TUT7: variants seen among roughly 807,000 people sequenced by gnomAD.
The protein encoded by TUT7 is terminal uridylyltransferase 7.
Under a neutral mutation model 165.9 loss-of-function variants are expected in TUT7, and 33 were observed. The ratio of observed to expected loss-of-function variants is 0.20; its 90% confidence interval spans 0.15 to 0.27. The LOEUF (loss-of-function observed/expected upper bound fraction) is 0.27. TUT7 is among the 10% of genes least tolerant of loss of function. The pLI, the probability that TUT7 is intolerant of heterozygous loss-of-function variation, is 1.00. For missense variants in TUT7, 1,338 were observed against 1,762.3 expected (o/e 0.76, Z 4.31); for synonymous variants, 552 against 608.1 (o/e 0.91, Z 1.36).
At chr9:86,321,136 G>A (rs1344803552) in intron 14 of TUT7, among the ~76,000 whole-genome samples, 1 of 151,484 alleles carries the variant, frequency 6.6e-6, no homozygotes, top group Non-Finnish European at 1.5e-5. Flanking sequence ...GCGGATCACT[G>A]GAGGTCAGGA....
In TUT7 at chr9:86,311,612, C is replaced by A. The variant is rs1828067991; in HGVS notation, c.3275-803G>T. ...CTTCCCTCTCCCCTCTCCCCACGGT[C>A]TCCCTCTCCCTCTCTTTCCACGGTC... On this transcript the variant is annotated intron_variant, in intron 17 of 26. Coordinates refer to ENST00000375963, the MANE Select transcript of TUT7 (RefSeq NM_024617.4). The surrounding 1 kb of genome is among the most constrained non-coding windows in gnomAD (Gnocchi z 4.4). 7.6e-6 allele frequency among the ~76,000 whole-genome samples: 1 copy of A among 132,098 alleles called. No homozygotes were observed. The highest frequency in any genetic ancestry group is 2.5e-4 in the South Asian group (1 of 4,030). 86.7% of individuals were successfully genotyped at this position (132,098 alleles called of 152,430 possible). A position where few individuals can be genotyped will look rare whatever the true frequency, so the allele number is the denominator to read the frequency against.
At chr9:86,304,140 TGA>T (rs1178159410) in intron 24 of TUT7, among the ~76,000 whole-genome samples, 1 of 133,384 alleles carries the variant, frequency 7.5e-6, no homozygotes, top group African/African-American at 3.3e-5. Context: ...CAAAAAATGG[TGA>T]GGTGATATAT....
In TUT7 at chr9:86,346,224, T is replaced by C. The variant is rs553816808; in HGVS notation, c.702+75A>G. The C allele has an allele frequency of 6.5e-6, 9 of 1,379,392 alleles. No individual in the cohort carries two copies. In the African/African-American group the frequency reaches 1.1e-4, roughly 18 times the overall value. 85.4% of individuals were successfully genotyped at this position (1,379,392 alleles called of 1,614,324 possible). A position where few individuals can be genotyped will look rare whatever the true frequency, so the allele number is the denominator to read the frequency against. ...GTAGGATATCTAATTGATCAGAGCA[T>C]GCATACTCAATTAACAACAAAATTG... On this transcript the variant is annotated intron_variant, in intron 3 of 26. Transcript: ENST00000375963.
chr9:86,325,452 T>A lies in TUT7; in HGVS notation c.1671A>T (p.Glu557Asp). 6.2e-7 allele frequency: 1 copy of A among 1,614,112 alleles called. No individual in the cohort carries two copies. The highest frequency in any genetic ancestry group is 1.3e-5 in the African/African-American group (1 of 75,044). Reference sequence around the variant, plus strand: ...ATTCTAAAGCATAGAACCGCAGCAATTCCACCCAGAGCTGCCCAACTGGTA... The same window carrying A: ...ATTCTAAAGCATAGAACCGCAGCAAATCCACCCAGAGCTGCCCAACTGGTA... ...PSVPVGQLWV[E>D]LLRFYALEFN... is the part of the protein sequence containing the mutation. Residue 557 changes from glutamate to aspartate, a missense_variant, in exon 12 of 27, where the codon GAA (glutamate) becomes GAT (aspartate). Glu to Asp is a conservative substitution (Grantham distance 45). Coordinates refer to ENST00000375963, the MANE Select transcript of TUT7 (RefSeq NM_024617.4).
chr9:86,306,081 T>C (rs1424418184), intron 22 of TUT7, among the ~76,000 whole-genome samples: 1 of 152,182 alleles, frequency 6.6e-6, no homozygotes, highest in Non-Finnish European at 1.5e-5. Context: ...CATACACCCA[T>C]GATTCATAAT....
intron 11 of TUT7, 132 bp from the exon 12 acceptor site, chr9:86,325,646 T>C: frequency 1.3e-6 from 1 of 759,364 alleles, no homozygotes; most frequent in East Asian, 2.7e-5. Flanking sequence ...ACAATCCATC[T>C]AGATAAATCA....
At chr9:86,304,276 CATA>C (rs1268741625) in intron 24 of TUT7, among the ~76,000 whole-genome samples, 4 of 152,090 alleles carry the variant, frequency 2.6e-5, no homozygotes, top group Non-Finnish European at 5.9e-5. Flanking sequence ...TGCAGAAGAA[CATA>C]ATATTATTCT....
intron 26 of TUT7, among the ~76,000 whole-genome samples, chr9:86,290,426 A>G (rs367675066): frequency 6.6e-5 from 10 of 152,336 alleles, no homozygotes; most frequent in African/African-American, 2.2e-4. Context: ...GAATTCAGTA[A>G]GAAATTTCAG....
intron 2 of TUT7, among the ~76,000 whole-genome samples, 158 bp from the exon 3 acceptor site, chr9:86,346,638 T>C (rs918304534): frequency 6.6e-6 from 1 of 152,244 alleles, no homozygotes; most frequent in African/African-American, 2.4e-5. Context: ...AATGCTTTAA[T>C]ACTGTATTCA....
chr9:86,310,097 A>G, intron 18 of TUT7, 80 bp from the exon 19 acceptor site: 2 of 1,205,704 alleles, frequency 1.7e-6, no homozygotes, highest in South Asian at 2.7e-5. Flanking sequence ...GTTGTTTTAA[A>G]TAATGGAGAT....
intron 25 of TUT7, among the ~76,000 whole-genome samples, chr9:86,302,251 A>T (rs775787052): frequency 6.6e-6 from 1 of 152,158 alleles, no homozygotes; most frequent in Non-Finnish European, 1.5e-5. Context: ...TTGCCCCCCA[A>T]TAAACGCCAC....
chr9:86,295,015 G>A (rs993472151), intron 26 of TUT7, among the ~76,000 whole-genome samples: 1 of 151,986 alleles, frequency 6.6e-6, no homozygotes, highest in Non-Finnish European at 1.5e-5. Context: ...AGAAAATAGG[G>A]CCTAGCTTGT....
chr9:86,332,465 A>G (rs1011652322), intron 10 of TUT7, among the ~76,000 whole-genome samples: 1 of 152,194 alleles, frequency 6.6e-6, no homozygotes, highest in African/African-American at 2.4e-5. Flanking sequence ...AAATACCACA[A>G]GTTCTCACTT....
chr9:86,305,377 A>C (rs530594637), intron 22 of TUT7, 138 bp from the exon 23 acceptor site: 3 of 618,640 alleles, frequency 4.8e-6, no homozygotes, highest in South Asian at 4.7e-5. Context: ...TTCACATGAT[A>C]GAAAAGAAGT....
chr9:86,313,598 C>G (rs540448379), intron 17 of TUT7, among the ~76,000 whole-genome samples: 2 of 152,064 alleles, frequency 1.3e-5, no homozygotes, highest in Non-Finnish European at 2.9e-5. Flanking sequence ...ATTGTGGAGC[C>G]GGAATTCAAA....
At chr9:86,308,322 C>A in intron 22 of TUT7, 107 bp downstream of exon 22, 1 of 963,718 alleles carries the variant, frequency 1.0e-6, no homozygotes, top group Non-Finnish European at 1.5e-6. Flanking sequence ...GAGACTGGGG[C>A]ACTGCACACC....
At chr9:86,290,304 A>T (rs1825805150) in intron 26 of TUT7, among the ~76,000 whole-genome samples, 1 of 152,226 alleles carries the variant, frequency 6.6e-6, no homozygotes, top group Non-Finnish European at 1.5e-5. Flanking sequence ...ATTACTTTCT[A>T]AATTTTCCAT....
chr9:86,304,335 AT>A (rs1406797479), intron 24 of TUT7, among the ~76,000 whole-genome samples: 4 of 152,142 alleles, frequency 2.6e-5, no homozygotes, highest in African/African-American at 4.8e-5. Context: ...CACTGAAATT[AT>A]TTTTTTGACA....
chr9:86,323,180 T>G lies in TUT7; in HGVS notation c.2570A>C (p.Glu857Ala). Residue 857 changes from glutamate (E) to alanine (A), a missense_variant, in exon 13 of 27, where the codon GAA becomes GCA. Physicochemically the swap from Glu to Ala is moderately radical, Grantham distance 107 (BLOSUM62 -1). Coordinates refer to ENST00000375963, the MANE Select transcript of TUT7 (RefSeq NM_024617.4). ...GTTAATGGTGAGCCTAGGTTCTTCT[T>G]CCTCCTCCTCTTCTTCGTCGTCCTC... ...EEEDDEEEEE[E>A]EEPRLTINQR... The G allele has an allele frequency of 6.2e-7, 1 of 1,614,142 alleles. No individual in the cohort carries two copies. The highest frequency in any genetic ancestry group is 8.5e-7 in the Non-Finnish European group (1 of 1,180,004).
Sources: gnomAD v4.1 joint callset for allele counts (sites outside exome capture counted in the v4.1 genomes callset) on GRCh38, gnomAD v4.1.1 for gene constraint, Gnocchi (gnomAD v3.1) non-coding constraint, MANE v1.5 for transcripts, NCBI Gene and HGNC (gene_info 2026-07-23, HGNC 2026-07-21) for gene names.